The following SLC24A3 variants were observed in gnomAD, a reference collection of about 807,000 sequenced individuals.
SLC24A3 encodes sodium/potassium/calcium exchanger 3.
In SLC24A3, 28 loss-of-function variants were observed where a neutral mutation model predicts 75.8. The ratio of observed to expected loss-of-function variants is 0.37; its 90% CI spans 0.27 to 0.51. The LOEUF (loss-of-function observed/expected upper bound fraction) is 0.51, where lower values mean the gene tolerates loss of function less well. Ranked by LOEUF, SLC24A3 falls within the 20% of genes least tolerant of loss-of-function variation. The probability of loss-of-function intolerance (pLI) is 0.94; values close to 1 mark genes in which losing one functional copy is unlikely to be tolerated. For synonymous variants in SLC24A3, 372 were observed against 334.1 expected, an observed-to-expected ratio of 1.11 and a Z score of -1.24; for missense variants, 663 against 847.8, an observed-to-expected ratio of 0.78 and a Z score of 2.71.
At position 19,258,220 on chromosome 20, in the gene SLC24A3, T is replaced by TGCCC. The variant is rs573384871; in HGVS notation, c.143-22738_143-22735dup. Among the ~76,000 whole-genome samples the TGCCC allele has an allele frequency of 1.9e-4, 29 of 152,326 alleles. No homozygotes were observed. The East Asian group carries it at 4.4e-3, about 23-fold the overall frequency. On this transcript the variant is annotated intron_variant, in intron 1 of 16. Transcript: ENST00000328041. Reference sequence around the variant, plus strand: ...TGGAGGCGGGCACCTTTGCTGCCTCTGCCCTCACAGCTCTTCTTCCCACCC... The same window carrying TGCCC: ...TGGAGGCGGGCACCTTTGCTGCCTCTGCCCGCCCTCACAGCTCTTCTTCCCACCC...
chr20:19,677,618 A>G (rs2032539974), intron 9 of SLC24A3, among the ~76,000 whole-genome samples: 2 of 151,666 alleles, frequency 1.3e-5, no homozygotes, highest in South Asian at 2.1e-4. Flanking sequence ...TTCATCCACA[A>G]AAATTCCAGT....
intron 2 of SLC24A3, among the ~76,000 whole-genome samples, chr20:19,415,619 G>T (rs185214263): frequency 6.1e-4 from 92 of 151,648 alleles, no homozygotes; most frequent in Non-Finnish European, 1.2e-3. Flanking sequence ...AAGATTTTGT[G>T]TATCAGTTAT....
intron 15 of SLC24A3, among the ~76,000 whole-genome samples, chr20:19,702,607 T>C (rs894193235): frequency 4.7e-5 from 6 of 126,368 alleles, no homozygotes; most frequent in African/African-American, 1.5e-4. Context: ...AATGCTGCTG[T>C]TTCTGTAATA....
At chr20:19,698,840 G>T (rs772832972) in intron 15 of SLC24A3, among the ~76,000 whole-genome samples, 160 bp downstream of exon 15, 39 of 152,162 alleles carry the variant, frequency 2.6e-4, no homozygotes, top group Non-Finnish European at 5.1e-4. Context: ...TACTAGTCAG[G>T]CTTGCAGGGA....
chr20:19,291,841 A>G (rs1051034477), intron 2 of SLC24A3, among the ~76,000 whole-genome samples: 2 of 152,238 alleles, frequency 1.3e-5, no homozygotes, highest in Non-Finnish European at 2.9e-5. Context: ...AAAAAAGGCA[A>G]GAAGCTGCAG....
chr20:19,271,220 G>A (rs1194657242), intron 1 of SLC24A3, among the ~76,000 whole-genome samples: 1 of 152,060 alleles, frequency 6.6e-6, no homozygotes, highest in Non-Finnish European at 1.5e-5. Flanking sequence ...GCCTTCTGAA[G>A]CAATTTCAAA....
At chr20:19,346,347 A>ATATATATATGGTGTATATATATGTGGTG in intron 2 of SLC24A3, among the ~76,000 whole-genome samples, 1 of 105,046 alleles carries the variant, frequency 9.5e-6, no homozygotes, top group African/African-American at 3.5e-5. Context: ...TATATATGGT[A>ATATATATATGGTGTATATATATGTGGTG]TATATATGGT....
At chr20:19,565,059 G>C (rs2030933339) in intron 3 of SLC24A3, among the ~76,000 whole-genome samples, 2 of 152,202 alleles carry the variant, frequency 1.3e-5, no homozygotes, top group Non-Finnish European at 2.9e-5. Flanking sequence ...ACCCACCTTA[G>C]TCTTCCAAAG....
Position 19,678,688 on chromosome 20 carries a change from C to A in SLC24A3, c.768-3170C>A, listed in dbSNP as rs528568611. On this transcript the variant is annotated intron_variant, in intron 9 of 16. Coordinates refer to ENST00000328041, the MANE Select transcript of SLC24A3 (RefSeq NM_020689.4). Reference sequence around the variant, plus strand: ...GGACACGGCGGCTGCCGGGCGGAGACGCTCCTCACTTCCCAGACGGGGTGG... The same window carrying A: ...GGACACGGCGGCTGCCGGGCGGAGAAGCTCCTCACTTCCCAGACGGGGTGG... Among the ~76,000 whole-genome samples, 140 of 108,712 alleles carry A rather than the reference C, an allele frequency of 1.3e-3. 1 individual carries two copies. The highest frequency in any genetic ancestry group is 2.0e-3 in the Non-Finnish European group (104 of 52,538). The allele number at this position is 108,712 out of a possible 152,430, so 71.3% of individuals were successfully genotyped here. A position where few individuals can be genotyped will look rare whatever the true frequency, so the allele number is the denominator to read the frequency against.
chr20:19,416,475 T>C (rs890633520), intron 2 of SLC24A3, among the ~76,000 whole-genome samples: 26 of 152,192 alleles, frequency 1.7e-4, no homozygotes, highest in African/African-American at 6.3e-4. Context: ...CTTCTTTCTC[T>C]TATAATGAAG....
intron 16 of SLC24A3, among the ~76,000 whole-genome samples, chr20:19,718,287 G>A (rs1350496720): frequency 6.6e-6 from 1 of 152,208 alleles, no homozygotes; most frequent in Non-Finnish European, 1.5e-5. Context: ...CAGGATCAGG[G>A]TGTGAATTGA....
At chr20:19,261,208 G>T (rs1477405195) in intron 1 of SLC24A3, among the ~76,000 whole-genome samples, 2 of 152,200 alleles carry the variant, frequency 1.3e-5, no homozygotes, top group Non-Finnish European at 2.9e-5. Flanking sequence ...CTCTACTGCA[G>T]TTTAGAGCTG....
At chr20:19,412,794 C>T (rs1253710538) in intron 2 of SLC24A3, among the ~76,000 whole-genome samples, 1 of 152,166 alleles carries the variant, frequency 6.6e-6, no homozygotes, top group Non-Finnish European at 1.5e-5. Flanking sequence ...ATCACTTGGA[C>T]TTCATTTGTG....
chr20:19,376,129 AAAAT>A (rs763133037), intron 2 of SLC24A3, among the ~76,000 whole-genome samples: 20 of 152,196 alleles, frequency 1.3e-4, no homozygotes, highest in South Asian at 2.1e-4. Context: ...ACACTGAAAG[AAAAT>A]AAATAAGGAT....
intron 2 of SLC24A3, among the ~76,000 whole-genome samples, chr20:19,321,010 A>G (rs975717437): frequency 1.3e-5 from 2 of 152,096 alleles, no homozygotes; most frequent in East Asian, 3.9e-4. Flanking sequence ...ATATGCATGT[A>G]TTGTGTCTAT....
chr20:19,424,165 A>G (rs932166064), intron 2 of SLC24A3, among the ~76,000 whole-genome samples: 8 of 152,050 alleles, frequency 5.3e-5, no homozygotes, highest in African/African-American at 1.9e-4. Flanking sequence ...GAAACCAAAT[A>G]CCCAAGACAA....
chr20:19,297,294 G>A (rs914882278), intron 2 of SLC24A3, among the ~76,000 whole-genome samples: 2 of 152,036 alleles, frequency 1.3e-5, no homozygotes, highest in Admixed American at 6.6e-5. Flanking sequence ...ACGTTTATAC[G>A]CATGATGTGC....
At chr20:19,601,689 A>C (rs2031529234) in intron 6 of SLC24A3, among the ~76,000 whole-genome samples, 1 of 152,162 alleles carries the variant, frequency 6.6e-6, no homozygotes, top group East Asian at 1.9e-4. Flanking sequence ...GCCATGCTAC[A>C]AGCCGGGAAT....
Position 19,470,184 on chromosome 20 carries a change from A to G in SLC24A3, c.272-45304A>G, listed in dbSNP as rs540258046. 9.2e-5 allele frequency among the ~76,000 whole-genome samples: 14 copies of G among 152,230 alleles called. No individual in the cohort carries two copies. In the East Asian group the frequency reaches 2.5e-3, roughly 27 times the overall value. On this transcript the variant is annotated intron_variant, in intron 2 of 16. Transcript: ENST00000328041. ...CTGGAGACCAAAGTCCTACCCCCAA[A>G]TGTTCGTGCAAATATCCTTTCTTTT...
Sources: allele counts gnomAD v4.1 joint callset (sites outside exome capture counted in the v4.1 genomes callset), GRCh38; gene constraint gnomAD v4.1.1; transcripts MANE v1.5; gene names NCBI Gene and HGNC (gene_info 2026-07-23, HGNC 2026-07-21).